TSBP1: variants seen among roughly 807,000 people sequenced by gnomAD.
TSBP1 encodes testis-expressed basic protein 1.
TSBP1 carries 56 observed loss-of-function variants against 68.8 expected under a neutral mutation model. The observed-to-expected ratio is 0.81, with a 90% confidence interval of 0.66 to 1.02. The LOEUF is 1.02. Ranked by LOEUF, TSBP1 falls within the 50% of genes least tolerant of loss-of-function variation. TSBP1 has a pLI of 0.00. For synonymous variants in TSBP1, 171 were observed against 208.7 expected (o/e 0.82, Z 1.56); for missense variants, 502 against 641.2 (o/e 0.78, Z 2.34).
chr6:32,330,478 T>C, intron 16 of TSBP1, 111 bp downstream of exon 17: 1 of 904,016 alleles, frequency 1.1e-6, no homozygotes, highest in South Asian at 1.9e-5. Context: ...GTAAAATAAC[T>C]GCTCTTATGG....
rs865894155 is a variant in TSBP1, at chr6:32,359,367, G to A, written c.218-3698C>T. Among the ~76,000 whole-genome samples the A allele has an allele frequency of 3.1e-4, 47 of 152,088 alleles. 1 individual carries two copies. Among genetic ancestry groups the A allele is most frequent in the African/African-American group, 1.1e-3 (46 of 41,492 alleles). On this transcript the variant is annotated intron_variant, in intron 6 of 22. Coordinates refer to ENST00000612031, the Ensembl canonical transcript of TSBP1. ...CTGGTGTGAGATGGTATCTCATTGT[G>A]GTTTTGATTTGCATTTCTCTGATGG... is the stretch of plus-strand genomic sequence containing the variant.
chr6:32,293,876 A>C (rs4947338), exon 23 of TSBP1: 32,349 of 1,612,882 alleles, frequency 0.02, 928 homozygotes, highest in African/African-American at 0.13. Context: ...TGCTGATTTC[A>C]AGGATTCTAC....
chr6:32,359,073 C>T (rs1160016543), intron 6 of TSBP1, among the ~76,000 whole-genome samples: 2 of 130,216 alleles, frequency 1.5e-5, no homozygotes, highest in Non-Finnish European at 3.3e-5. Flanking sequence ...CCCCCCTCCC[C>T]CCACCCCACA....
chr6:32,356,353 T>C (rs770441160), intron 6 of TSBP1, among the ~76,000 whole-genome samples: 15 of 152,176 alleles, frequency 9.9e-5, no homozygotes, highest in Admixed American at 5.2e-4. Context: ...CTTCCATACT[T>C]GGCAGTCATT....
intron 8 of TSBP1, among the ~76,000 whole-genome samples, chr6:32,352,272 A>G (rs980345991): frequency 3.9e-5 from 6 of 152,034 alleles, no homozygotes; most frequent in Admixed American, 3.9e-4. Flanking sequence ...ACCACAAACA[A>G]GATGGAGAAT....
At position 32,306,016 on chromosome 6, in the gene TSBP1, C is replaced by G. The variant is rs981432183; in HGVS notation, c.581-3387G>C. Among the ~76,000 whole-genome samples, 7 of 152,226 alleles carry G rather than the reference C, an allele frequency of 4.6e-5. No homozygotes were observed. The highest frequency in any genetic ancestry group is 3.4e-3 in the Middle Eastern group (1 of 294). ...TATTCTCATTGGTGGAAAAATAATT[C>G]TCCATCATAATTATATATTGGCAAG... is the stretch of plus-strand genomic sequence containing the variant. On this transcript the variant is annotated intron_variant, in intron 19 of 22. Transcript: ENST00000612031. The surrounding 1 kb of genome is among the most constrained non-coding windows in gnomAD (Gnocchi z 5.1).
intron 1 of TSBP1, among the ~76,000 whole-genome samples, chr6:32,370,251 A>G (rs1042835791): frequency 2.6e-5 from 4 of 151,838 alleles, no homozygotes; most frequent in Non-Finnish European, 5.9e-5. Context: ...AATCTGACAG[A>G]TTTCCTCCTC....
chr6:32,338,902 AAT>A lies in TSBP1; in HGVS notation c.409+75_409+76del. ...TGTGAAAGAAATAAAAAAATCTAGG[AAT>A]ATGAGTGTCTTACATATTCTAACAG... On this transcript the variant is annotated intron_variant, in intron 11 of 22. Coordinates refer to ENST00000612031, the Ensembl canonical transcript of TSBP1. This position sits in a 1 kb window ranked among gnomAD's most constrained non-coding sequence, Gnocchi z 5.5. 9.1e-7 allele frequency: 1 copy of A among 1,102,252 alleles called. No individual in the cohort carries two copies. Among genetic ancestry groups the A allele is most frequent in the South Asian group, 1.2e-5 (1 of 80,338 alleles). 68.3% of individuals were successfully genotyped at this position (1,102,252 alleles called of 1,614,324 possible). A position where few individuals can be genotyped will look rare whatever the true frequency, so the allele number is the denominator to read the frequency against.
chr6:32,362,288 CAAA>C (rs9257083), intron 6 of TSBP1, among the ~76,000 whole-genome samples: 1 of 101,314 alleles, frequency 9.9e-6, no homozygotes, highest in Non-Finnish European at 1.9e-5. Context: ...GACTCCGTCT[CAAA>C]AAAAAAAAAA....
chr6:32,369,042 CAG>C (rs1315901536), intron 2 of TSBP1, among the ~76,000 whole-genome samples: 1 of 152,058 alleles, frequency 6.6e-6, no homozygotes, highest in Non-Finnish European at 1.5e-5. Context: ...GGATGGGAAA[CAG>C]GGAGGGAATA....
intron 9 of TSBP1, among the ~76,000 whole-genome samples, chr6:32,342,099 T>C (rs6914179): frequency 0.019 from 2,921 of 151,620 alleles, 81 homozygotes; most frequent in African/African-American, 0.061. Flanking sequence ...AGAAGGTTTA[T>C]TTAAACTTTA....
At position 32,335,309 on chromosome 6, in the gene TSBP1, G is replaced by C. The variant is rs867933115; in HGVS notation, c.472+128C>G. The C allele has an allele frequency of 6.9e-5, 53 of 767,174 alleles. 1 individual carries two copies. The African/African-American group carries it at 9.5e-4, about 14-fold the overall frequency. 47.5% of individuals were successfully genotyped at this position (767,174 alleles called of 1,614,324 possible). A position where few individuals can be genotyped will look rare whatever the true frequency, so the allele number is the denominator to read the frequency against. On this transcript the variant is annotated intron_variant, in intron 14 of 22. Coordinates refer to ENST00000612031, the Ensembl canonical transcript of TSBP1. The surrounding 1 kb of genome is among the most constrained non-coding windows in gnomAD (Gnocchi z 5.5). ...TGGATGAGTCCAATCTGGAGTACTGGGTGAGATTATGAGGTGGCAGAAGGA... is the reference window on the plus strand; with the variant it reads ...TGGATGAGTCCAATCTGGAGTACTGCGTGAGATTATGAGGTGGCAGAAGGA...
In TSBP1 at chr6:32,325,608, T is replaced by C. The variant is rs527778995; in HGVS notation, c.515-1994A>G. 2.3e-5 allele frequency: 22 copies of C among 971,398 alleles called. No individual in the cohort carries two copies. Among genetic ancestry groups the C allele is most frequent in the South Asian group, 1.6e-4 (13 of 79,028 alleles). The allele number at this position is 971,398 out of a possible 1,614,324, so 60.2% of individuals were successfully genotyped here. A position where few individuals can be genotyped will look rare whatever the true frequency, so the allele number is the denominator to read the frequency against. On this transcript the variant is annotated intron_variant, in intron 16 of 22. Transcript: ENST00000612031. The surrounding 1 kb of genome is among the most constrained non-coding windows in gnomAD (Gnocchi z 4.4). The stretch of plus-strand genomic sequence containing the variant: ...AATTATTTTGAGTAGTATGGAAAAA[T>C]TGAAGTGATTGAAAACATGACTGAC...
In TSBP1 at chr6:32,302,563, C is replaced by A. The variant is rs200871744; in HGVS notation, c.601+46G>T. On this transcript the variant is annotated intron_variant, in intron 20 of 22. Transcript: ENST00000612031. The surrounding 1 kb of genome is among the most constrained non-coding windows in gnomAD (Gnocchi z 5.1). ...ATTTGTAGAAAAAATTTGCTCACCC[C>A]AGCCCTACAAGAAACTAATGTAATA... 14 of 1,312,178 alleles carry A rather than the reference C, an allele frequency of 1.1e-5. No homozygotes were observed. The highest frequency in any genetic ancestry group is 1.5e-5 in the African/African-American group (1 of 66,128). 81.3% of individuals were successfully genotyped at this position (1,312,178 alleles called of 1,614,324 possible).
intron 6 of TSBP1, among the ~76,000 whole-genome samples, chr6:32,360,797 A>C (rs373980529): frequency 2.6e-5 from 4 of 152,008 alleles, no homozygotes; most frequent in East Asian, 1.9e-4. Flanking sequence ...TTTATTTATT[A>C]GTTGGCTGTA....
rs117395402 is a variant in TSBP1, at chr6:32,323,782, A to G, written c.515-168T>C. ...GCAGAATGCGAACTTTCAAAAAATC[A>G]TTAATAACTTCATGGAATTTTGATG... On this transcript the variant is annotated intron_variant, in intron 16 of 22. Coordinates refer to ENST00000612031, the Ensembl canonical transcript of TSBP1. 5,163 of 635,368 alleles carry G rather than the reference A, an allele frequency of 8.1e-3. 112 individuals are homozygous for G. The highest frequency in any genetic ancestry group is 0.02 in the Middle Eastern group (78 of 3,942). The allele number at this position is 635,368 out of a possible 1,614,324, so 39.4% of individuals were successfully genotyped here.
At chr6:32,294,108 T>C (rs1764458697) in intron 22 of TSBP1, 73 bp from the exon 26 acceptor site, 1 of 1,577,740 alleles carries the variant, frequency 6.3e-7, no homozygotes, top group African/African-American at 1.4e-5. Context: ...TTCCCCTTGA[T>C]ACTGGTTCCT....
chr6:32,317,059 T>C (rs1767036846), intron 18 of TSBP1, among the ~76,000 whole-genome samples: 1 of 152,164 alleles, frequency 6.6e-6, no homozygotes. Flanking sequence ...AATTATGGTA[T>C]GCTACCAGGC....
intron 19 of TSBP1, among the ~76,000 whole-genome samples, chr6:32,307,515 T>C (rs1360743252): frequency 6.6e-6 from 1 of 152,198 alleles, no homozygotes; most frequent in Non-Finnish European, 1.5e-5. Context: ...CTGTGCTTGC[T>C]TGGTGGAATG....
Sources: gnomAD v4.1 joint callset for allele counts (sites outside exome capture counted in the v4.1 genomes callset) on GRCh38, gnomAD v4.1.1 for gene constraint, Gnocchi (gnomAD v3.1) non-coding constraint, MANE v1.5 for transcripts, NCBI Gene and HGNC (gene_info 2026-07-23, HGNC 2026-07-21) for gene names.